DDX10: variants seen among roughly 807,000 people sequenced by gnomAD.
DDX10 encodes the protein DEAD-box helicase 10, also known as probable ATP-dependent RNA helicase DDX10.
In DDX10, 74 loss-of-function variants were observed where a neutral mutation model predicts 104.3. The observed-to-expected ratio is 0.71, with a 90% CI of 0.59 to 0.86. The LOEUF is 0.86. Ranked by LOEUF, DDX10 falls within the 40% of genes least tolerant of loss-of-function variation. The probability of loss-of-function intolerance (pLI) is 0.00; values close to 1 mark genes in which losing one functional copy is unlikely to be tolerated. For synonymous variants in DDX10, 351 were observed against 353.4 expected (o/e 0.99, Z 0.08); for missense variants, 952 against 1,040.0 (o/e 0.92, Z 1.16).
At chr11:108,753,731 A>G (rs1359922894) in intron 13 of DDX10, among the ~76,000 whole-genome samples, 2 of 152,076 alleles carry the variant, frequency 1.3e-5, no homozygotes, top group East Asian at 3.8e-4. Context: ...CAAATAAGCA[A>G]AAGTATTCTG....
intron 1 of DDX10, among the ~76,000 whole-genome samples, chr11:108,672,390 C>A (rs1474044818): frequency 6.6e-6 from 1 of 152,192 alleles, no homozygotes; most frequent in Admixed American, 6.5e-5. Flanking sequence ...GGAAGATTAT[C>A]TTCTAATTGA....
chr11:108,888,276 A>G (rs1863327650), intron 16 of DDX10, among the ~76,000 whole-genome samples: 1 of 152,232 alleles, frequency 6.6e-6, no homozygotes, highest in Non-Finnish European at 1.5e-5. Context: ...CTATTCTAAC[A>G]TGAATTTATT....
At chr11:108,856,081 T>G (rs1234507321) in intron 16 of DDX10, among the ~76,000 whole-genome samples, 1 of 152,094 alleles carries the variant, frequency 6.6e-6, no homozygotes, top group Non-Finnish European at 1.5e-5. Flanking sequence ...AGAAAAGTAG[T>G]GTTGAAGTTA....
chr11:108,750,565 C>A (rs906722700), intron 13 of DDX10, among the ~76,000 whole-genome samples: 1 of 151,988 alleles, frequency 6.6e-6, no homozygotes, highest in Non-Finnish European at 1.5e-5. Flanking sequence ...GTCTATGGGG[C>A]CCTTCTTAGA....
chr11:108,890,602 G>T (rs1472205193), intron 16 of DDX10, among the ~76,000 whole-genome samples: 2 of 151,332 alleles, frequency 1.3e-5, no homozygotes, highest in Admixed American at 6.6e-5. Context: ...CCTGCATAGG[G>T]GTAGGTTCAG....
intron 13 of DDX10, among the ~76,000 whole-genome samples, chr11:108,737,906 C>T (rs1265436787): frequency 2.0e-5 from 3 of 152,066 alleles, no homozygotes; most frequent in East Asian, 1.9e-4. Flanking sequence ...CTTCCACCTG[C>T]GTGCATTTTC....
chr11:108,818,809 G>C (rs1356959653), intron 13 of DDX10, among the ~76,000 whole-genome samples: 3 of 152,018 alleles, frequency 2.0e-5, no homozygotes, highest in Admixed American at 2.0e-4. Flanking sequence ...ACCCTTTTTT[G>C]GGGGGACTTA....
chr11:108,808,797 A>G (rs1184431563), intron 13 of DDX10, among the ~76,000 whole-genome samples: 2 of 152,200 alleles, frequency 1.3e-5, no homozygotes, highest in Non-Finnish European at 2.9e-5. Flanking sequence ...CAAAAATGTG[A>G]AAAGTGAAAA....
intron 16 of DDX10, among the ~76,000 whole-genome samples, chr11:108,909,513 TC>T (rs1752634351): frequency 6.6e-6 from 1 of 151,952 alleles, no homozygotes; most frequent in African/African-American, 2.4e-5. Flanking sequence ...CTGTGCCTCT[TC>T]CTCTGGCTGT....
In DDX10 at chr11:108,719,867, C is replaced by A; in HGVS notation, c.1481C>A (p.Pro494His). 1 of 1,587,510 alleles carries A rather than the reference C, an allele frequency of 6.3e-7. No individual in the cohort carries two copies. The highest frequency in any genetic ancestry group is 8.7e-7 in the Non-Finnish European group (1 of 1,155,924). The change falls in exon 12 of 18, where the codon CCT (proline) becomes CAT (histidine). Residue 494 changes from proline (P) to histidine (H), a missense_variant. Physicochemically the swap from Pro to His is moderately conservative, Grantham distance 77 (BLOSUM62 -2). Coordinates refer to ENST00000322536, the MANE Select transcript of DDX10 (RefSeq NM_004398.4). ...DKEVFDVSKLPIPEYALSLGL... is the reference protein window; with the variant it reads ...DKEVFDVSKLHIPEYALSLGL... ...GAAGTATTTGATGTGAGCAAGTTACCTATACCTGAATATGCCCTGTAAGTA... is the reference window on the plus strand; with the variant it reads ...GAAGTATTTGATGTGAGCAAGTTACATATACCTGAATATGCCCTGTAAGTA...
intron 16 of DDX10, among the ~76,000 whole-genome samples, chr11:108,891,930 A>G (rs552085482): frequency 1.3e-5 from 2 of 152,278 alleles, no homozygotes; most frequent in Admixed American, 6.5e-5. Flanking sequence ...ACCTAACAGC[A>G]GTATCCTCAA....
chr11:108,809,020 CT>C (rs916106072), intron 13 of DDX10, among the ~76,000 whole-genome samples: 61 of 147,608 alleles, frequency 4.1e-4, no homozygotes, highest in South Asian at 3.9e-3. Context: ...TGGAAAATAA[CT>C]TTTTTTTTTT....
chr11:108,735,134 A>G lies in DDX10; in HGVS notation c.1965+11672A>G, dbSNP rs75002617. ...TGAAACACGGTTTCAAGTCCAAGGCAACATCTGAGGCTAGTGCCATCTGTT... is the reference window on the plus strand; with the variant it reads ...TGAAACACGGTTTCAAGTCCAAGGCGACATCTGAGGCTAGTGCCATCTGTT... On this transcript the variant is annotated intron_variant, in intron 13 of 17. Coordinates refer to ENST00000322536, the MANE Select transcript of DDX10 (RefSeq NM_004398.4). Among the ~76,000 whole-genome samples the G allele has an allele frequency of 9.7e-3, 1,480 of 152,320 alleles. 18 individuals carry two copies. The highest frequency in any genetic ancestry group is 0.033 in the African/African-American group (1,384 of 41,562).
At position 108,799,997 on chromosome 11, in the gene DDX10, C is replaced by T. The variant is rs148140186; in HGVS notation, c.1966-38449C>T. On this transcript the variant is annotated intron_variant, in intron 13 of 17. Transcript: ENST00000322536. ...GCAGTGGCACCATCATAGCTCACTG[C>T]AGCCTCCAAAGCTCACTATAGCCTC... Among the ~76,000 whole-genome samples, 15 of 151,896 alleles carry T rather than the reference C, an allele frequency of 9.9e-5. 1 individual carries two copies. The East Asian group carries it at 2.9e-3, about 29-fold the overall frequency.
chr11:108,775,217 T>A (rs532957912), intron 13 of DDX10, among the ~76,000 whole-genome samples: 8 of 152,230 alleles, frequency 5.3e-5, no homozygotes, highest in Non-Finnish European at 8.8e-5. Context: ...GGATGACTTG[T>A]CATGGGAAAT....
At chr11:108,784,720 T>G (rs1462855584) in intron 13 of DDX10, among the ~76,000 whole-genome samples, 2 of 152,176 alleles carry the variant, frequency 1.3e-5, no homozygotes, top group Admixed American at 1.3e-4. Context: ...TCAATTTTTG[T>G]TTTTGTTACA....
intron 16 of DDX10, among the ~76,000 whole-genome samples, chr11:108,867,994 T>C (rs1178999584): frequency 6.6e-6 from 1 of 152,142 alleles, no homozygotes; most frequent in Non-Finnish European, 1.5e-5. Flanking sequence ...TTCATTTGAA[T>C]GGTAGCTTGA....
intron 16 of DDX10, among the ~76,000 whole-genome samples, chr11:108,872,199 A>G (rs1001806029): frequency 5.9e-5 from 9 of 152,234 alleles, no homozygotes; most frequent in Non-Finnish European, 1.0e-4. Context: ...ATATTATATC[A>G]AGATAAATCA....
chr11:108,708,769 T>C (rs1318194877), intron 10 of DDX10, among the ~76,000 whole-genome samples: 1 of 152,138 alleles, frequency 6.6e-6, no homozygotes, highest in Non-Finnish European at 1.5e-5. Flanking sequence ...GGTCTTGCCA[T>C]GTTGGCCAGG....
Sources: allele counts gnomAD v4.1 joint callset (sites outside exome capture counted in the v4.1 genomes callset), GRCh38; gene constraint gnomAD v4.1.1; transcripts MANE v1.5; gene names NCBI Gene and HGNC (gene_info 2026-07-23, HGNC 2026-07-21).